Variants in PCDH15 observed in about 807,000 individuals in gnomAD.
The protein encoded by PCDH15 is protocadherin related 15.
In PCDH15, 129 loss-of-function variants were observed where a neutral mutation model predicts 178.5. The ratio of observed to expected loss-of-function variants is 0.72; its 90% confidence interval spans 0.63 to 0.84. The LOEUF (loss-of-function observed/expected upper bound fraction) is 0.84, where lower values mean the gene tolerates loss of function less well. PCDH15 is among the 40% of genes least tolerant of loss of function. The pLI is 0.00. For missense variants in PCDH15, 2,230 were observed against 2,099.9 expected, an observed-to-expected ratio of 1.06 and a Z score of -1.21; for synonymous variants, 800 against 732.0, an observed-to-expected ratio of 1.09 and a Z score of -1.50.
At chr10:54,964,280 A>T (rs1838727494) in intron 2 of PCDH15, among the ~76,000 whole-genome samples, 1 of 152,220 alleles carries the variant, frequency 6.6e-6, no homozygotes, top group Admixed American at 6.5e-5. Flanking sequence ...CAATTGGGCT[A>T]GTTTCAATAC....
intron 6 of PCDH15, among the ~76,000 whole-genome samples, chr10:54,345,988 T>G (rs959434560): frequency 1.3e-5 from 2 of 152,080 alleles, no homozygotes; most frequent in African/African-American, 4.8e-5. Context: ...ATACTTGGTG[T>G]GTGTTCTTGA....
At chr10:54,611,618 G>A (rs1421202519) in intron 2 of PCDH15, among the ~76,000 whole-genome samples, 1 of 151,828 alleles carries the variant, frequency 6.6e-6, no homozygotes, top group African/African-American at 2.4e-5. Context: ...CAGAACATAT[G>A]AGGCAGCTAC....
At chr10:55,280,444 A>ATTTTTTTT (rs1170034467) in intron 1 of PCDH15, among the ~76,000 whole-genome samples, 3 of 92,058 alleles carry the variant, frequency 3.3e-5, no homozygotes, top group African/African-American at 1.3e-4. Context: ...GCACCCAGCT[A>ATTTTTTTT]TTTTTTTTTT....
chr10:54,403,211 T>G (rs941296957), intron 3 of PCDH15, among the ~76,000 whole-genome samples: 1 of 152,014 alleles, frequency 6.6e-6, no homozygotes, highest in Non-Finnish European at 1.5e-5. Flanking sequence ...CCTAGCTCTC[T>G]ACATAGCTAT....
rs1591602148 is a variant in PCDH15, at chr10:54,288,349, G to A, written c.876+28922C>T. ...TAAATACATAAATAAGAGAGAGAGA[G>A]AGGAGAGAGAAACATCCTTTTTTCT... On this transcript the variant is annotated intron_variant, in intron 8 of 37. Coordinates refer to ENST00000644397, the MANE Select transcript of PCDH15 (RefSeq NM_001384140.1). Among the ~76,000 whole-genome samples, 7 of 149,414 alleles carry A rather than the reference G, an allele frequency of 4.7e-5. No homozygotes were observed. The East Asian group carries it at 9.7e-4, about 21-fold the overall frequency.
chr10:54,033,501 A>G (rs2093349820), intron 18 of PCDH15, among the ~76,000 whole-genome samples: 1 of 151,958 alleles, frequency 6.6e-6, no homozygotes, highest in Non-Finnish European at 1.5e-5. Flanking sequence ...ACATTTCCAC[A>G]TAAGCATTGT....
At chr10:54,610,633 C>T (rs757193855) in intron 2 of PCDH15, among the ~76,000 whole-genome samples, 36 of 151,956 alleles carry the variant, frequency 2.4e-4, no homozygotes, top group Middle Eastern at 3.4e-3. Flanking sequence ...TCTTAGACTA[C>T]TTAGTCATTA....
At chr10:53,833,648 T>G (rs2077139939) in intron 29 of PCDH15, among the ~76,000 whole-genome samples, 1 of 152,148 alleles carries the variant, frequency 6.6e-6, no homozygotes, top group African/African-American at 2.4e-5. Context: ...GAAACATGGC[T>G]ACCTTTTCAT....
At chr10:54,633,370 CA>C (rs2134738892) in intron 2 of PCDH15, among the ~76,000 whole-genome samples, 1 of 152,158 alleles carries the variant, frequency 6.6e-6, no homozygotes, top group South Asian at 2.1e-4. Context: ...TAGTTCTTTT[CA>C]GAAGTTGCCC....
At chr10:55,077,454 T>TC (rs1564777321) in intron 2 of PCDH15, among the ~76,000 whole-genome samples, 10 of 143,046 alleles carry the variant, frequency 7.0e-5, no homozygotes, top group African/African-American at 2.2e-4. Context: ...TTCCTTCCCT[T>TC]CCTTCCTTCC....
rs1440354047 is a variant in PCDH15 at position 54,963,698 on chromosome 10, T to C, written c.-79-66198A>G. 2.0e-5 allele frequency among the ~76,000 whole-genome samples: 3 copies of C among 152,334 alleles called. No individual in the cohort carries two copies. In the East Asian group the frequency reaches 5.8e-4, roughly 29 times the overall value. On this transcript the variant is annotated intron_variant, in intron 2 of 5. Coordinates refer to the PCDH15 transcript ENST00000458638. Reference sequence around the variant, plus strand: ...TGGTTATTTTGCTAGAACTCCCCTTTTCAACTTAATTCTCTTTCAATTTTC... The same window carrying C: ...TGGTTATTTTGCTAGAACTCCCCTTCTCAACTTAATTCTCTTTCAATTTTC...
intron 2 of PCDH15, among the ~76,000 whole-genome samples, chr10:55,591,446 CATAA>C (rs761083946): frequency 1.3e-5 from 2 of 151,120 alleles, no homozygotes; most frequent in East Asian, 1.9e-4. Context: ...TAAATAAATA[CATAA>C]ATAAATAAAG....
chr10:54,780,002 TC>T (rs1422731037), intron 1 of PCDH15, among the ~76,000 whole-genome samples: 1 of 152,188 alleles, frequency 6.6e-6, no homozygotes, highest in Admixed American at 6.6e-5. Context: ...TTGCACTTAT[TC>T]TTATAAACAG....
At chr10:54,599,755 G>C in intron 2 of PCDH15, 1 of 495,548 alleles carries the variant, frequency 2.0e-6, no homozygotes, top group Non-Finnish European at 3.8e-6. Flanking sequence ...GGAGGTAAAA[G>C]ATGAGGGTGA....
At chr10:54,027,523 C>T (rs1320356744) in intron 18 of PCDH15, among the ~76,000 whole-genome samples, 1 of 150,800 alleles carries the variant, frequency 6.6e-6, no homozygotes, top group African/African-American at 2.5e-5. Context: ...AGGCATCACA[C>T]TACCTGACTT....
intron 2 of PCDH15, among the ~76,000 whole-genome samples, chr10:54,629,445 G>A (rs991715970): frequency 3.9e-5 from 6 of 152,014 alleles, no homozygotes; most frequent in African/African-American, 7.2e-5. Flanking sequence ...TTCAACATAC[G>A]CAAATCAATA....
At chr10:54,229,785 T>C (rs540513719) in intron 9 of PCDH15, among the ~76,000 whole-genome samples, 151 of 152,294 alleles carry the variant, frequency 9.9e-4, no homozygotes, top group African/African-American at 3.6e-3. Context: ...GTCTCAGGTA[T>C]GTCTTTATCA....
chr10:55,475,036 C>T lies in PCDH15; in HGVS notation c.-156+152589G>A, dbSNP rs140218549. Among the ~76,000 whole-genome samples the T allele has an allele frequency of 3.7e-3, 570 of 152,178 alleles. 4 individuals carry two copies. Among genetic ancestry groups the T allele is most frequent in the African/African-American group, 0.013 (547 of 41,520 alleles). On this transcript the variant is annotated intron_variant, in intron 2 of 5. Transcript: ENST00000613346. Reference sequence around the variant, plus strand: ...TTAGTACCTTCACAACACTCGTCTTCGCCCATTTTGTGTTGCTATAAAGGA... The same window carrying T: ...TTAGTACCTTCACAACACTCGTCTTTGCCCATTTTGTGTTGCTATAAAGGA...
chr10:54,873,741 T>G (rs1027677141), intron 3 of PCDH15, among the ~76,000 whole-genome samples: 2 of 147,212 alleles, frequency 1.4e-5, no homozygotes, highest in African/African-American at 2.5e-5. Flanking sequence ...TATATATGTA[T>G]GTATGTGTAT....
Sources: allele counts gnomAD v4.1 joint callset (sites outside exome capture counted in the v4.1 genomes callset), GRCh38; gene constraint gnomAD v4.1.1; transcripts MANE v1.5; gene names NCBI Gene and HGNC (gene_info 2026-07-23, HGNC 2026-07-21).